Variants in PKD1 observed in about 807,000 individuals in gnomAD.
PKD1 encodes the protein polycystin 1, transient receptor potential channel interacting.
In PKD1, 81 loss-of-function variants were observed where a neutral mutation model predicts 361.7. The ratio of observed to expected loss-of-function variants is 0.22; its 90% CI spans 0.19 to 0.27. The LOEUF is 0.27. Ranked by LOEUF, PKD1 falls within the 10% of genes least tolerant of loss-of-function variation. PKD1 has a pLI of 1.00. For missense variants in PKD1, 6,399 were observed against 6,118.3 expected, an observed-to-expected ratio of 1.05 and a Z score of -1.53; for synonymous variants, 3,615 against 2,818.3, an observed-to-expected ratio of 1.28 and a Z score of -8.95.
rs140434415 is a variant in PKD1, at chr16:2,109,256, C to T, written c.5911G>A (p.Val1971Met). ...AQVRIVVLEA[V>M]SGLQVPNCCE... ...CAGTTGGGCACCTGCAGCCCACTCA[C>T]GGCCTCCAGCACCACGATGCGCACC... Residue 1971 changes from valine (V) to methionine (M), a missense_variant, in exon 15 of 46, where the codon GTG (valine) becomes ATG (methionine). Physicochemically the swap from Val to Met is conservative, Grantham distance 21. Transcript: ENST00000262304. 44 of 1,585,134 alleles carry T rather than the reference C, an allele frequency of 2.8e-5. No homozygotes were observed. The highest frequency in any genetic ancestry group is 3.8e-5 in the Non-Finnish European group (44 of 1,165,784).
rs4018157 is a variant in PKD1, at chr16:2,107,410, A to C, written c.7066-462T>G. 7.4e-4 allele frequency: 266 copies of C among 359,870 alleles called. 2 individuals carry two copies. Among genetic ancestry groups the C allele is most frequent in the South Asian group, 5.1e-3 (219 of 42,870 alleles). 22.3% of individuals were successfully genotyped at this position (359,870 alleles called of 1,614,324 possible). A position where few individuals can be genotyped will look rare whatever the true frequency, so the allele number is the denominator to read the frequency against. ...CTCTGGGAAGACCCCCAATCAGGCCAGCTGAGGAAAGCAGGGACTGGGGAA... is the reference window on the plus strand; with the variant it reads ...CTCTGGGAAGACCCCCAATCAGGCCCGCTGAGGAAAGCAGGGACTGGGGAA... On this transcript the variant is annotated intron_variant, in intron 16 of 45. Coordinates refer to ENST00000262304, the MANE Select transcript of PKD1 (RefSeq NM_001009944.3).
chr16:2,106,198 G>C lies in PKD1; in HGVS notation c.7596C>G (p.Leu2532=), dbSNP rs571865937. The stretch of plus-strand genomic sequence containing the variant: ...GGGGCAGCACGGCTCCGTAGCTGGA[G>C]AGGCTGCCCTTGTAGACACAGAACT... The part of the protein sequence containing the change: ...CEEFCVYKGS[L]SSYGAVLPPG... Residue 2532 remains leucine, a synonymous_variant, in exon 19 of 46, where the codon CTC becomes CTG. Coordinates refer to ENST00000262304, the MANE Select transcript of PKD1 (RefSeq NM_001009944.3). This position sits in a 1 kb window ranked among gnomAD's most constrained non-coding sequence, Gnocchi z 6.5. 18 of 1,610,222 alleles carry C rather than the reference G, an allele frequency of 1.1e-5. No homozygotes were observed. The East Asian group carries it at 3.6e-4, about 32-fold the overall frequency.
Position 2,118,328 on chromosome 16 carries a change from C to T in PKD1, c.664G>A (p.Ala222Thr), listed in dbSNP as rs1391867937. The T allele has an allele frequency of 3.8e-5, 56 of 1,486,728 alleles. No individual in the cohort carries two copies. The highest frequency in any genetic ancestry group is 5.6e-5 in the African/African-American group (4 of 71,992). 92.1% of individuals were successfully genotyped at this position (1,486,728 alleles called of 1,614,324 possible). A position where few individuals can be genotyped will look rare whatever the true frequency, so the allele number is the denominator to read the frequency against. ...CACCAGCCCTGCTCCGAGAGGGCTG[C>T]GAGGCCCTGGCCGGTGGAGAAGCAG... is the stretch of plus-strand genomic sequence containing the variant. Reference protein sequence around the residue: ...AFCFSTGQGLAALSEQGWCLC... With the variant: ...AFCFSTGQGLTALSEQGWCLC... The change falls in exon 5 of 46, where the codon GCA becomes ACA. Residue 222 changes from alanine (A) to threonine (T), a missense_variant. Ala to Thr is a moderately conservative substitution (Grantham distance 58, BLOSUM62 0). Transcript: ENST00000262304. The surrounding 1 kb of genome is among the most constrained non-coding windows in gnomAD (Gnocchi z 6.0).
chr16:2,094,490 A>G (rs2091759263), intron 34 of PKD1, among the ~76,000 whole-genome samples: 1 of 152,142 alleles, frequency 6.6e-6, no homozygotes. Context: ...AGCTGCCCTT[A>G]CAGCAGTGCA....
At position 2,091,491 on chromosome 16, in the gene PKD1, C is replaced by A. The variant is rs771519742; in HGVS notation, c.11644G>T (p.Ala3882Ser). Reference protein sequence around the residue: ...EFPAAGRALAALSVRPFALRR... With the variant: ...EFPAAGRALASLSVRPFALRR... ...AGCGCAAAGGGGCGGACGCTGAGGG[C>A]GGCCAGGGCGCGGCCGGCCGCCGGG... is the stretch of plus-strand genomic sequence containing the variant. The change falls in exon 42 of 46, where the codon GCC becomes TCC. Residue 3882 changes from alanine to serine, a missense_variant. Coordinates refer to ENST00000262304, the MANE Select transcript of PKD1 (RefSeq NM_001009944.3). The A allele has an allele frequency of 3.6e-6, 5 of 1,393,146 alleles. No individual in the cohort carries two copies. The South Asian group carries it at 7.3e-5, about 20-fold the overall frequency. The allele number at this position is 1,393,146 out of a possible 1,614,324, so 86.3% of individuals were successfully genotyped here.
At chr16:2,102,993 C>T (rs374746556) in intron 23 of PKD1, 23 bp from the exon 24 acceptor site, 3 of 1,599,684 alleles carry the variant, frequency 1.9e-6, no homozygotes, top group Non-Finnish European at 2.5e-6. Context: ...GCGCAGGTCA[C>T]ACGCCTGCCG....
Position 2,097,282 on chromosome 16 carries a change from G to C in PKD1, c.10405+37C>G, listed in dbSNP as rs776901964. The C allele has an allele frequency of 9.9e-6, 16 of 1,609,232 alleles. No homozygotes were observed. In the East Asian group the frequency reaches 2.7e-4, roughly 27 times the overall value. ...GCATAGGGTGGGCCCAGCTGCAAGG[G>C]TGAGCTTCAGAGCCCCCTCCTCTCA... is the stretch of plus-strand genomic sequence containing the variant. On this transcript the variant is annotated intron_variant, in intron 33 of 45. Transcript: ENST00000262304.
intron 22 of PKD1, among the ~76,000 whole-genome samples, chr16:2,104,174 CAGGGGGAAAGGG>C: frequency 6.8e-5 from 1 of 14,628 alleles, no homozygotes; most frequent in East Asian, 9.3e-4. Flanking sequence ...AGAAGAGGAG[CAGGGGGAAAGGG>C]AGGGGAAGGG....
intron 1 of PKD1, among the ~76,000 whole-genome samples, chr16:2,122,474 C>G (rs367700611): frequency 3.9e-5 from 6 of 152,218 alleles, no homozygotes; most frequent in African/African-American, 1.4e-4. Context: ...GGTAGGGACA[C>G]GGGCTGAGGT....
chr16:2,093,429 C>T (rs1567157124), intron 37 of PKD1, 115 bp downstream of exon 37: 1 of 995,220 alleles, frequency 1.0e-6, no homozygotes, highest in African/African-American at 1.6e-5. Context: ...GAGCATTGAA[C>T]CCCTAAGGGC....
intron 26 of PKD1, among the ~76,000 whole-genome samples, chr16:2,101,221 G>A (rs1208061419): frequency 1.5e-4 from 23 of 152,080 alleles, no homozygotes; most frequent in East Asian, 1.9e-4. Context: ...TCCTGACCCC[G>A]TGATTTGCCT....
chr16:2,119,992 G>T (rs889893014), intron 1 of PKD1: 1 of 595,134 alleles, frequency 1.7e-6, no homozygotes, highest in Non-Finnish European at 3.0e-6. Context: ...CGGAAGGATC[G>T]CCTGGGCCCA....
In PKD1 at chr16:2,108,705, G is replaced by A; in HGVS notation, c.6462C>T (p.Val2154=). 6.4e-7 allele frequency: 1 copy of A among 1,570,474 alleles called. No homozygotes were observed. Among genetic ancestry groups the A allele is most frequent in the Non-Finnish European group, 8.6e-7 (1 of 1,158,722 alleles). Residue 2154 remains valine (V), a synonymous_variant, in exon 15 of 46, where the codon GTC becomes GTT. Transcript: ENST00000262304. Reference sequence around the variant, plus strand: ...GCCGCATCAGCACCTGCAGGGGCAGGACCACGTCCACCTCCGGCTCCCGGC... The same window carrying A: ...GCCGCATCAGCACCTGCAGGGGCAGAACCACGTCCACCTCCGGCTCCCGGC... ...LACREPEVDV[V]LPLQVLMRRS...
At position 2,090,579 on chromosome 16, in the gene PKD1, G is replaced by A. The variant is rs754582300; in HGVS notation, c.12150C>T (p.Ser4050=). The change falls in exon 45 of 46, where the codon TCC becomes TCT. Residue 4050 remains serine, a synonymous_variant. Coordinates refer to ENST00000262304, the MANE Select transcript of PKD1 (RefSeq NM_001009944.3). ...YAQLAILLVS[S]CVDSLWSVAQ... ...CCACGCTCCAGAGGGAGTCCACACA[G>A]GAAGACACGAGCTGCGGGGAAGGCG... 8 of 1,608,730 alleles carry A rather than the reference G, an allele frequency of 5.0e-6. No individual in the cohort carries two copies. The Admixed American group carries it at 8.3e-5, about 17-fold the overall frequency.
In PKD1 at chr16:2,110,311, G is replaced by C. The variant is rs146723506; in HGVS notation, c.4856C>G (p.Ser1619Cys). ...ATAGACGAAGATGCTGTCCTGGGCGGAGCCCACCTCGTTCTCAGCCGTGAC... is the reference window on the plus strand; with the variant it reads ...ATAGACGAAGATGCTGTCCTGGGCGCAGCCCACCTCGTTCTCAGCCGTGAC... Reference protein sequence around the residue: ...IIVTAENEVGSAQDSIFVYVL... With the variant: ...IIVTAENEVGCAQDSIFVYVL... Residue 1619 changes from serine (S) to cysteine (C), a missense_variant, in exon 15 of 46, where the codon TCC (serine) becomes TGC (cysteine). Ser to Cys is a moderately radical substitution (Grantham distance 112, BLOSUM62 -1). Coordinates refer to ENST00000262304, the MANE Select transcript of PKD1 (RefSeq NM_001009944.3). The C allele has an allele frequency of 6.2e-7, 1 of 1,612,634 alleles. No individual in the cohort carries two copies. The highest frequency in any genetic ancestry group is 1.1e-5 in the South Asian group (1 of 91,080).
chr16:2,090,631 T>G, intron 44 of PKD1, 41 bp from the exon 45 acceptor site: 1 of 1,609,894 alleles, frequency 6.2e-7, no homozygotes, highest in Non-Finnish European at 8.5e-7. Flanking sequence ...ACAGCTGAGC[T>G]GAGCTGAGCT....
Position 2,110,815 on chromosome 16 carries a change from A to T in PKD1, c.4352T>A (p.Ile1451Asn), listed in dbSNP as rs1251395999. The T allele has an allele frequency of 2.5e-6, 4 of 1,611,502 alleles. No homozygotes were observed. Among genetic ancestry groups the T allele is most frequent in the Non-Finnish European group, 3.4e-6 (4 of 1,179,794 alleles). Residue 1451 changes from isoleucine to asparagine, a missense_variant, in exon 15 of 46, where the codon ATC becomes AAC. Transcript: ENST00000262304. ...CAGGGCTGAGTCATTGGCAGCAGAG[A>T]TGTTGTTGGACGCGGTGACTGTCAC... ...YLVTVTASNN[I>N]SAANDSALVE...
chr16:2,092,818 T>A lies in PKD1; in HGVS notation c.11156+136A>T, dbSNP rs564169045. On this transcript the variant is annotated intron_variant, in intron 38 of 45. Coordinates refer to ENST00000262304, the MANE Select transcript of PKD1 (RefSeq NM_001009944.3). The stretch of plus-strand genomic sequence containing the variant: ...ACCTGTGTCCCTCCCCTCTGCCTAC[T>A]GATGCCAGCAGCACCTACCTCCAGT... The A allele has an allele frequency of 1.4e-4, 150 of 1,103,526 alleles. 1 individual carries two copies. The South Asian group carries it at 1.5e-3, about 11-fold the overall frequency. 68.4% of individuals were successfully genotyped at this position (1,103,526 alleles called of 1,614,324 possible).
Position 2,102,875 on chromosome 16 carries a change from T to A in PKD1, c.8887A>T (p.Ile2963Phe). The A allele has an allele frequency of 6.2e-7, 1 of 1,610,210 alleles. No individual in the cohort carries two copies. Among genetic ancestry groups the A allele is most frequent in the Non-Finnish European group, 8.5e-7 (1 of 1,179,758 alleles). The change falls in exon 24 of 46, where the codon ATC becomes TTC. Residue 2963 changes from isoleucine to phenylalanine, a missense_variant. Physicochemically the swap from Ile to Phe is conservative, Grantham distance 21 (BLOSUM62 0). Coordinates refer to ENST00000262304, the MANE Select transcript of PKD1 (RefSeq NM_001009944.3). ...GCACCCTGGAGTGACTCTGGGCGGATCCTCCTGCTAGCCGAGCAGTTGTGC... is the reference window on the plus strand; with the variant it reads ...GCACCCTGGAGTGACTCTGGGCGGAACCTCCTGCTAGCCGAGCAGTTGTGC... ...NEHNCSASRR[I>F]RPESLQGADH...
Sources: allele counts gnomAD v4.1 joint callset (sites outside exome capture counted in the v4.1 genomes callset), GRCh38; gene constraint gnomAD v4.1.1; non-coding constraint Gnocchi (gnomAD v3.1); transcripts MANE v1.5; gene names NCBI Gene and HGNC (gene_info 2026-07-23, HGNC 2026-07-21).